The following IQSEC1 variants were observed in gnomAD, a reference collection of about 807,000 sequenced individuals.
The protein encoded by IQSEC1 is IQ motif and SEC7 domain-containing protein 1.
Under a neutral mutation model 91.0 loss-of-function variants are expected in IQSEC1, and 31 were observed. That is an observed-to-expected ratio of 0.34 (90% CI 0.26 to 0.46). IQSEC1 has a LOEUF of 0.46. Ranked by LOEUF, IQSEC1 falls within the 20% of genes least tolerant of loss-of-function variation. The pLI is 1.00. For missense variants in IQSEC1, 1,388 were observed against 1,575.6 expected, an observed-to-expected ratio of 0.88 and a Z score of 2.02; for synonymous variants, 699 against 662.6, an observed-to-expected ratio of 1.05 and a Z score of -0.84.
chr3:13,169,104 T>A (rs985874728), intron 1 of IQSEC1, among the ~76,000 whole-genome samples: 7 of 152,198 alleles, frequency 4.6e-5, no homozygotes, highest in Non-Finnish European at 1.0e-4. Context: ...TTTGGGTGTG[T>A]CCCCACCCAA....
intron 1 of IQSEC1, chr3:13,021,914 A>C (rs1264616800): frequency 5.4e-6 from 3 of 554,466 alleles, no homozygotes; most frequent in Non-Finnish European, 8.1e-6. Flanking sequence ...TCCACCAGAG[A>C]CTGAAAGTTG....
Position 12,936,715 on chromosome 3 carries a change from G to T in IQSEC1, c.319-18C>A. The T allele has an allele frequency of 6.4e-7, 1 of 1,551,884 alleles. No individual in the cohort carries two copies. The highest frequency in any genetic ancestry group is 8.7e-7 in the Non-Finnish European group (1 of 1,147,150). ...ATCTCCACCTGCGGGTGGGAGAGGAGAATGAGAACAGCACTGCATGTAGGC... is the reference window on the plus strand; with the variant it reads ...ATCTCCACCTGCGGGTGGGAGAGGATAATGAGAACAGCACTGCATGTAGGC... On this transcript the variant is annotated intron_variant, in intron 2 of 13. Coordinates refer to ENST00000613206, the MANE Select transcript of IQSEC1 (RefSeq NM_001134382.3).
At chr3:13,085,565 C>T (rs1371672517) in intron 2 of IQSEC1, among the ~76,000 whole-genome samples, 2 of 152,238 alleles carry the variant, frequency 1.3e-5, no homozygotes, top group Non-Finnish European at 2.9e-5. Context: ...ACGGGGTGTC[C>T]AGCTGCAGCC....
intron 2 of IQSEC1, among the ~76,000 whole-genome samples, chr3:13,101,944 G>A (rs1275477395): frequency 6.6e-6 from 1 of 151,432 alleles, no homozygotes; most frequent in African/African-American, 2.4e-5. Flanking sequence ...CCTTGCAGGG[G>A]TGGGAGGGAG....
intron 1 of IQSEC1, among the ~76,000 whole-genome samples, chr3:13,041,825 T>C (rs1278760980): frequency 6.6e-6 from 1 of 152,212 alleles, no homozygotes. Context: ...GGAAAGGGAC[T>C]GAACTTCGGG....
Position 12,897,266 on chromosome 3 carries a change from G to A in IQSEC1, c.*3717C>T, listed in dbSNP as rs1476020678. ...GATTTCCCCACATGATCACAACCAT[G>A]GTTTTACATTGATAGAGTCTGTTGC... On this transcript the variant is annotated 3_prime_UTR_variant, in exon 14 of 14. Transcript: ENST00000613206. 6.6e-6 allele frequency: 1 copy of A among 152,190 alleles called. No individual in the cohort carries two copies. Among genetic ancestry groups the A allele is most frequent in the East Asian group, 1.9e-4 (1 of 5,198 alleles). The allele number at this position is 152,190 out of a possible 1,614,324, so 9.4% of individuals were successfully genotyped here. A position where few individuals can be genotyped will look rare whatever the true frequency, so the allele number is the denominator to read the frequency against.
chr3:13,255,371 G>A (rs1695268406), intron 1 of IQSEC1, among the ~76,000 whole-genome samples: 2 of 152,200 alleles, frequency 1.3e-5, no homozygotes, highest in Admixed American at 6.5e-5. Context: ...GGCAACAGGT[G>A]TATTGCTATG....
rs1575817191 is a variant in IQSEC1 at position 12,897,908 on chromosome 3, T to A, written c.*3075A>T. On this transcript the variant is annotated 3_prime_UTR_variant, in exon 14 of 14. Transcript: ENST00000613206. The stretch of plus-strand genomic sequence containing the variant: ...TATTAGGATGAACTTTATTTTTACA[T>A]TGTTGTACAATTCATTGGTAAACTT... The A allele has an allele frequency of 6.6e-6, 1 of 152,388 alleles. No homozygotes were observed. The highest frequency in any genetic ancestry group is 1.9e-4 in the East Asian group (1 of 5,190). The allele number at this position is 152,388 out of a possible 1,614,324, so 9.4% of individuals were successfully genotyped here.
chr3:13,272,734 G>A (rs1302352260), intron 1 of IQSEC1, among the ~76,000 whole-genome samples: 1 of 152,202 alleles, frequency 6.6e-6, no homozygotes, highest in Non-Finnish European at 1.5e-5. Flanking sequence ...TGTGGGAGGG[G>A]GATGGAACTT....
chr3:13,209,904 C>G (rs537814412), intron 1 of IQSEC1, among the ~76,000 whole-genome samples: 2 of 151,528 alleles, frequency 1.3e-5, no homozygotes, highest in African/African-American at 4.8e-5. Flanking sequence ...AGGGCTCCAG[C>G]CCCACCATCC....
chr3:12,984,533 C>A (rs1344073457), intron 1 of IQSEC1, among the ~76,000 whole-genome samples: 3 of 152,150 alleles, frequency 2.0e-5, no homozygotes, highest in African/African-American at 7.2e-5. Context: ...ACTCTGGGTA[C>A]CTGCCACCCT....
intron 1 of IQSEC1, among the ~76,000 whole-genome samples, chr3:13,238,004 C>G (rs1694960726): frequency 6.6e-6 from 1 of 152,208 alleles, no homozygotes; most frequent in Admixed American, 6.5e-5. Flanking sequence ...GCCTTACTCT[C>G]CCCACCAGGG....
intron 1 of IQSEC1, among the ~76,000 whole-genome samples, chr3:13,200,582 G>T (rs148774221): frequency 6.6e-6 from 1 of 152,254 alleles, no homozygotes; most frequent in Non-Finnish European, 1.5e-5. Context: ...CAGGGTGAAC[G>T]CCTGGCAGGG....
intron 2 of IQSEC1, among the ~76,000 whole-genome samples, chr3:13,121,438 G>C (rs1706421349): frequency 6.6e-6 from 1 of 152,184 alleles, no homozygotes; most frequent in Admixed American, 6.5e-5. Context: ...CAGCGGCTCG[G>C]TGGTTATCTG....
intron 3 of IQSEC1, among the ~76,000 whole-genome samples, chr3:12,930,235 A>G (rs1265015992): frequency 6.6e-6 from 1 of 152,004 alleles, no homozygotes; most frequent in Non-Finnish European, 1.5e-5. Flanking sequence ...ACTGGCCTCA[A>G]ACTCCTAGTT....
intron 1 of IQSEC1, among the ~76,000 whole-genome samples, chr3:13,200,240 C>T (rs922245842): frequency 2.1e-5 from 3 of 146,152 alleles, no homozygotes; most frequent in Non-Finnish European, 4.5e-5. Context: ...CACACAAACA[C>T]ACCCACATAC....
chr3:13,096,947 A>G (rs1037290102), intron 2 of IQSEC1, among the ~76,000 whole-genome samples: 11 of 145,622 alleles, frequency 7.6e-5, no homozygotes, highest in African/African-American at 2.6e-4. Flanking sequence ...TGCAAGCTCC[A>G]CCTCCAGGGT....
chr3:13,017,186 C>T (rs374616508), intron 1 of IQSEC1, among the ~76,000 whole-genome samples: 6 of 151,756 alleles, frequency 4.0e-5, no homozygotes, highest in Admixed American at 2.0e-4. Flanking sequence ...TCCCTCTCCC[C>T]GATCACTCTG....
At chr3:13,146,213 C>G (rs972836670) in intron 2 of IQSEC1, among the ~76,000 whole-genome samples, 1 of 151,812 alleles carries the variant, frequency 6.6e-6, no homozygotes, top group African/African-American at 2.4e-5. Flanking sequence ...TCTTGAACTC[C>G]TGGCCTCAAG....
Sources: allele counts gnomAD v4.1 joint callset (sites outside exome capture counted in the v4.1 genomes callset), GRCh38; gene constraint gnomAD v4.1.1; transcripts MANE v1.5; gene names NCBI Gene and HGNC (gene_info 2026-07-23, HGNC 2026-07-21).